Variants in ZPBP observed in about 807,000 individuals in gnomAD.
ZPBP encodes the protein zona pellucida binding protein, also known as zona pellucida-binding protein 1.
Under a neutral mutation model 44.8 loss-of-function variants are expected in ZPBP, and 26 were observed. That is an observed-to-expected ratio of 0.58 (90% CI 0.43 to 0.81). The LOEUF (loss-of-function observed/expected upper bound fraction) is 0.81. Among genes scored for constraint, ZPBP ranks in the 30% least tolerant of loss-of-function variants. ZPBP has a pLI of 0.00. For missense variants in ZPBP, 409 were observed against 434.0 expected (o/e 0.94, Z 0.51); for synonymous variants, 174 against 153.2 (o/e 1.14, Z -1.00).
downstream of ZPBP, among the ~76,000 whole-genome samples, chr7:49,934,360 A>G (rs1583867623): frequency 6.6e-6 from 1 of 152,066 alleles, no homozygotes; most frequent in African/African-American, 2.4e-5. Flanking sequence ...CTTTGCTACT[A>G]TTTTAATTTT....
chr7:49,979,022 C>T (rs1203553415), intron 7 of ZPBP, among the ~76,000 whole-genome samples: 1 of 151,784 alleles, frequency 6.6e-6, no homozygotes, highest in Admixed American at 6.6e-5. Context: ...AATTTAGCAA[C>T]TCACTAATTA....
rs114481415 is a variant in ZPBP, at chr7:50,006,131, A to C, written c.783+12109T>G. On this transcript the variant is annotated intron_variant, in intron 6 of 7. Coordinates refer to ENST00000046087, the MANE Select transcript of ZPBP (RefSeq NM_007009.3). ...AAATATATATACACCAAACGTGAGA[A>C]CGCCTAAAGATATGGAGCAAATATG... Among the ~76,000 whole-genome samples, 1,177 of 152,024 alleles carry C rather than the reference A, an allele frequency of 7.7e-3. 30 individuals carry two copies. Among genetic ancestry groups the C allele is most frequent in the African/African-American group, 0.027 (1,115 of 41,428 alleles).
rs145963071 is a variant in ZPBP, at chr7:49,937,565, T to C, written c.1019A>G (p.Asn340Ser). 3.1e-6 allele frequency: 5 copies of C among 1,613,844 alleles called. No individual in the cohort carries two copies. Among genetic ancestry groups the C allele is most frequent in the East Asian group, 4.5e-5 (2 of 44,880 alleles). The change falls in exon 8 of 8, where the codon AAT becomes AGT. Residue 340 changes from asparagine (N) to serine (S), a missense_variant. Physicochemically the swap from Asn to Ser is conservative, Grantham distance 46. This residue lies in a region of ZPBP where 42 missense variants were observed against 71.0 expected (regional missense o/e 0.59). Coordinates refer to ENST00000046087, the MANE Select transcript of ZPBP (RefSeq NM_007009.3). ...TTTTGCTCCATACACCAGGCTGCTA[T>C]TGCATTGAAGGCAATGAATTCCATC... ...PRDGIHCLQC[N>S]SSLVYGAKTC...
In ZPBP at chr7:49,981,397, A is replaced by T. The variant is rs370678040; in HGVS notation, c.961+1945T>A. On this transcript the variant is annotated intron_variant, in intron 7 of 7. Coordinates refer to ENST00000046087, the MANE Select transcript of ZPBP (RefSeq NM_007009.3). ...TATATTATATATAATTATATATATTATATATAAAATATATATAATATATAA... is the reference window on the plus strand; with the variant it reads ...TATATTATATATAATTATATATATTTTATATAAAATATATATAATATATAA... Among the ~76,000 whole-genome samples, 85 of 30,376 alleles carry T rather than the reference A, an allele frequency of 2.8e-3. 1 individual carries two copies. Among genetic ancestry groups the T allele is most frequent in the Admixed American group, 5.3e-3 (7 of 1,314 alleles). 19.9% of individuals were successfully genotyped at this position (30,376 alleles called of 152,430 possible). A position where few individuals can be genotyped will look rare whatever the true frequency, so the allele number is the denominator to read the frequency against.
At chr7:49,977,058 C>T (rs187653178) in intron 7 of ZPBP, among the ~76,000 whole-genome samples, 5 of 150,512 alleles carry the variant, frequency 3.3e-5, no homozygotes, top group African/African-American at 7.4e-5. Context: ...GCCGAGATCC[C>T]GCCACTGCAC....
the ZPBP span, among the ~76,000 whole-genome samples, chr7:49,843,299 T>G: frequency 2.6e-3 from 394 of 152,322 alleles, 4 homozygotes; most frequent in African/African-American, 8.9e-3. Flanking sequence ...TGAGCCCCTT[T>G]CCTGATGGCT....
At chr7:49,932,907 C>G (rs975707015), downstream of ZPBP, among the ~76,000 whole-genome samples, 1 of 152,124 alleles carries the variant, frequency 6.6e-6, no homozygotes, top group African/African-American at 2.4e-5. Flanking sequence ...CTCATGTTCT[C>G]TTGCCTGCCA....
chr7:50,043,717 A>G (rs1415367795), intron 4 of ZPBP, among the ~76,000 whole-genome samples: 6 of 152,160 alleles, frequency 3.9e-5, no homozygotes, highest in African/African-American at 1.2e-4. Context: ...CAATAATAGT[A>G]GGAGACTTTA....
intron 3 of ZPBP, among the ~76,000 whole-genome samples, chr7:50,079,391 T>A (rs994276211): frequency 2.2e-4 from 33 of 151,634 alleles, no homozygotes. Flanking sequence ...CACATAGTAA[T>A]CTTATGTATT....
chr7:49,853,519 G>T (rs1485165056), intron 2 of ZPBP, among the ~76,000 whole-genome samples: 2 of 151,914 alleles, frequency 1.3e-5, no homozygotes, highest in African/African-American at 2.4e-5. Flanking sequence ...AATAAGATAG[G>T]TCCTAAGTTT....
At chr7:49,953,316 A>G (rs1795432406) in intron 7 of ZPBP, among the ~76,000 whole-genome samples, 1 of 152,142 alleles carries the variant, frequency 6.6e-6, no homozygotes, top group Non-Finnish European at 1.5e-5. Flanking sequence ...ATCAGCAGGT[A>G]TGTGTGAGGA....
intron 5 of ZPBP, among the ~76,000 whole-genome samples, chr7:50,022,375 T>C (rs1049790812): frequency 2.0e-5 from 3 of 151,904 alleles, no homozygotes; most frequent in East Asian, 1.9e-4. Flanking sequence ...TTAGGGACAA[T>C]AGCATAGAGA....
intron 6 of ZPBP, among the ~76,000 whole-genome samples, chr7:50,014,529 A>G (rs539554594): frequency 1.5e-5 from 2 of 135,994 alleles, no homozygotes; most frequent in South Asian, 2.3e-4. Flanking sequence ...CAGTGGTGTG[A>G]TCTTGGCTCA....
chr7:49,864,407 T>C (rs960600664), intron 2 of ZPBP, among the ~76,000 whole-genome samples: 1 of 152,184 alleles, frequency 6.6e-6, no homozygotes, highest in Non-Finnish European at 1.5e-5. Flanking sequence ...TCTCAGTTTT[T>C]TTCTGATCAT....
intron 1 of ZPBP, among the ~76,000 whole-genome samples, chr7:49,928,051 T>C (rs1794309648): frequency 6.6e-6 from 1 of 152,166 alleles, no homozygotes; most frequent in Non-Finnish European, 1.5e-5. Context: ...GACTCCTTGG[T>C]AGACTCTGCT....
chr7:49,855,723 G>A (rs963395811), intron 2 of ZPBP, among the ~76,000 whole-genome samples: 1 of 152,168 alleles, frequency 6.6e-6, no homozygotes, highest in Non-Finnish European at 1.5e-5. Context: ...AGTCCCCTGA[G>A]GGGCCAGTTC....
At chr7:50,050,363 A>AT (rs1320753085) in intron 4 of ZPBP, among the ~76,000 whole-genome samples, 1 of 152,124 alleles carries the variant, frequency 6.6e-6, no homozygotes, top group Non-Finnish European at 1.5e-5. Context: ...TACTTACAGT[A>AT]ATCAACAGTG....
At chr7:50,020,047 C>CAAA (rs879423466) in intron 5 of ZPBP, among the ~76,000 whole-genome samples, 1 of 104,402 alleles carries the variant, frequency 9.6e-6, no homozygotes, top group African/African-American at 3.6e-5. Context: ...GACTCTGTCT[C>CAAA]AAAAAAAAAA....
At chr7:50,054,794 G>T (rs1478198554) in intron 4 of ZPBP, among the ~76,000 whole-genome samples, 1 of 152,016 alleles carries the variant, frequency 6.6e-6, no homozygotes, top group Non-Finnish European at 1.5e-5. Context: ...AGAATGCAAT[G>T]CATTTGACAT....
Sources: allele counts gnomAD v4.1 joint callset (sites outside exome capture counted in the v4.1 genomes callset), GRCh38; gene constraint gnomAD v4.1.1; regional missense constraint gnomAD v4.1.1; transcripts MANE v1.5; gene names NCBI Gene and HGNC (gene_info 2026-07-23, HGNC 2026-07-21).